The following SUPT3H variants were observed in gnomAD, a reference collection of about 807,000 sequenced individuals.
SUPT3H encodes SPT3 homolog, SAGA and STAGA complex component.
In SUPT3H, 44 loss-of-function variants were observed where a neutral mutation model predicts 44.3. The ratio of observed to expected loss-of-function variants is 0.99; its 90% CI spans 0.78 to 1.28. The LOEUF (loss-of-function observed/expected upper bound fraction) is 1.28. Ranked by LOEUF, SUPT3H falls within the 50% of genes most tolerant of loss-of-function variation. SUPT3H has a pLI of 0.00. For missense variants in SUPT3H, 380 were observed against 387.1 expected, an observed-to-expected ratio of 0.98 and a Z score of 0.15; for synonymous variants, 124 against 125.6, an observed-to-expected ratio of 0.99 and a Z score of 0.09.
chr6:44,893,217 A>T (rs1763571012), intron 10 of SUPT3H, among the ~76,000 whole-genome samples: 1 of 152,084 alleles, frequency 6.6e-6, no homozygotes, highest in Non-Finnish European at 1.5e-5. Context: ...TGGAAAAATA[A>T]TAAAAATGTA....
At chr6:45,021,616 C>T (rs1785148280) in intron 3 of SUPT3H, among the ~76,000 whole-genome samples, 1 of 151,972 alleles carries the variant, frequency 6.6e-6, no homozygotes, top group African/African-American at 2.4e-5. Context: ...TTCCTGAATG[C>T]ATCCTTCTTT....
At position 44,829,849 on chromosome 6, in the gene SUPT3H, G is replaced by T; in HGVS notation, c.921C>A (p.Tyr307Ter). 1 of 1,613,172 alleles carries T rather than the reference G, an allele frequency of 6.2e-7. No homozygotes were observed. The highest frequency in any genetic ancestry group is 8.5e-7 in the Non-Finnish European group (1 of 1,179,236). Residue 307 changes from tyrosine to a stop codon, truncating the protein, a stop_gained, in exon 11 of 11, where the codon TAC becomes TAA. Transcript: ENST00000371459. LOFTEE classifies it high-confidence loss of function. ...IGPLSPFTNAYRRNGMAFLAC is the reference protein window; with the variant it reads ...IGPLSPFTNA ...CTAGAAAAGCCATCCCATTCCTGCG[G>T]TAGGCATTCTGTCAAAGAAAAAGAA...
At chr6:44,988,560 A>C (rs1780155460) in intron 6 of SUPT3H, among the ~76,000 whole-genome samples, 1 of 150,414 alleles carries the variant, frequency 6.6e-6, no homozygotes, top group African/African-American at 2.4e-5. Context: ...GGCTACACCA[A>C]AAGCAATATT....
rs1767874112 is a variant in SUPT3H, at chr6:44,827,326, T to C, written c.*2490A>G. 6.6e-6 allele frequency among the ~76,000 whole-genome samples: 1 copy of C among 152,142 alleles called. No individual in the cohort carries two copies. Among genetic ancestry groups the C allele is most frequent in the Non-Finnish European group, 1.5e-5 (1 of 67,982 alleles). ...GTTTTTAAATAAATTTACATCGTTG[T>C]CTAGGATAAATATGCCATAAAACCC... On this transcript the variant is annotated 3_prime_UTR_variant, in exon 11 of 11. Transcript: ENST00000371459.
chr6:44,814,657 A>AC (rs769573532), intron 11 of SUPT3H, among the ~76,000 whole-genome samples: 168 of 151,954 alleles, frequency 1.1e-3, no homozygotes, highest in Non-Finnish European at 2.0e-3. Flanking sequence ...GAGCAGTGTT[A>AC]TAGTCTCAAA....
At chr6:45,071,144 G>C (rs764447929) in intron 3 of SUPT3H, among the ~76,000 whole-genome samples, 2 of 151,990 alleles carry the variant, frequency 1.3e-5, no homozygotes, top group African/African-American at 2.4e-5. Context: ...CTTCATTTCA[G>C]GCAGGTTCCT....
Position 45,167,046 on chromosome 6 carries a change from C to G in SUPT3H, c.102-61040G>C, listed in dbSNP as rs545584834. The stretch of plus-strand genomic sequence containing the variant: ...ATACATATACACCCAATAAAGTAAT[C>G]AAATAATTTTTTAATAAAAAGCCTT... On this transcript the variant is annotated intron_variant, in intron 2 of 10. Coordinates refer to ENST00000371459, the MANE Select transcript of SUPT3H (RefSeq NM_003599.4). Among the ~76,000 whole-genome samples the G allele has an allele frequency of 3.9e-5, 6 of 152,194 alleles. No homozygotes were observed. In the South Asian group the frequency reaches 1.0e-3, roughly 26 times the overall value.
chr6:45,257,670 T>C (rs1325402015), intron 2 of SUPT3H, among the ~76,000 whole-genome samples: 2 of 152,170 alleles, frequency 1.3e-5, no homozygotes, highest in Non-Finnish European at 1.5e-5. Context: ...AGGGCCTTCT[T>C]GCTGCGGCAT....
rs80332547 is a variant in SUPT3H, at chr6:45,147,863, G to A, written c.102-41857C>T. Reference sequence around the variant, plus strand: ...AAGATGAAAGATTAAGACAATGAATGTAAGAGAAAGAAGAAAGATGATGAA... The same window carrying A: ...AAGATGAAAGATTAAGACAATGAATATAAGAGAAAGAAGAAAGATGATGAA... On this transcript the variant is annotated intron_variant, in intron 2 of 10. Transcript: ENST00000371459. Among the ~76,000 whole-genome samples, 1,473 of 152,150 alleles carry A rather than the reference G, an allele frequency of 9.7e-3. 13 individuals are homozygous for A. Among genetic ancestry groups the A allele is most frequent in the Non-Finnish European group, 0.016 (1,110 of 67,994 alleles).
intron 5 of SUPT3H, among the ~76,000 whole-genome samples, chr6:45,012,672 T>C (rs1167004843): frequency 6.6e-6 from 1 of 152,122 alleles, no homozygotes; most frequent in Non-Finnish European, 1.5e-5. Flanking sequence ...CAGTTTCTAT[T>C]GTCTACTTTT....
At chr6:44,960,696 C>T (rs570252576) in intron 7 of SUPT3H, among the ~76,000 whole-genome samples, 12 of 151,968 alleles carry the variant, frequency 7.9e-5, no homozygotes, top group African/African-American at 2.4e-4. Flanking sequence ...CTAAAAATTA[C>T]AATACAAAAC....
At chr6:44,844,798 G>C (rs1169151910) in intron 10 of SUPT3H, among the ~76,000 whole-genome samples, 1 of 152,132 alleles carries the variant, frequency 6.6e-6, no homozygotes, top group Non-Finnish European at 1.5e-5. Context: ...CAATGGAAAT[G>C]CTCTAATATT....
At chr6:45,338,352 AAAAAT>A (rs1789031463) in intron 2 of SUPT3H, among the ~76,000 whole-genome samples, 1 of 152,128 alleles carries the variant, frequency 6.6e-6, no homozygotes, top group African/African-American at 2.4e-5. Flanking sequence ...CATAAAAAAA[AAAAAT>A]TATAGGCAAC....
chr6:45,066,269 T>C (rs972422967), intron 3 of SUPT3H, among the ~76,000 whole-genome samples: 5 of 152,052 alleles, frequency 3.3e-5, no homozygotes, highest in Non-Finnish European at 5.9e-5. Flanking sequence ...AACTCCTTCA[T>C]GCTAAAAACT....
chr6:45,212,914 C>G (rs1207594310), intron 2 of SUPT3H, among the ~76,000 whole-genome samples: 2 of 152,040 alleles, frequency 1.3e-5, no homozygotes, highest in Non-Finnish European at 2.9e-5. Context: ...AGGTTGTTTC[C>G]AGGTAAGGCA....
chr6:44,848,283 C>A (rs1303861653), intron 10 of SUPT3H, among the ~76,000 whole-genome samples: 4 of 152,128 alleles, frequency 2.6e-5, no homozygotes, highest in Admixed American at 1.3e-4. Flanking sequence ...GTCTTCATAA[C>A]TAGACTTCTG....
intron 2 of SUPT3H, among the ~76,000 whole-genome samples, chr6:45,171,713 CTTTTTTTTTTTTTT>C (rs777154020): frequency 1.1e-5 from 1 of 93,474 alleles, no homozygotes; most frequent in South Asian, 4.2e-4. Flanking sequence ...ATTCCACTTG[CTTTTTTTTTTTTTT>C]TTTTTTTTTT....
intron 2 of SUPT3H, among the ~76,000 whole-genome samples, chr6:45,345,156 T>C (rs996379859): frequency 1.3e-5 from 2 of 152,206 alleles, no homozygotes; most frequent in Non-Finnish European, 2.9e-5. Context: ...TCAGAATACT[T>C]ATAAAAATCT....
chr6:44,958,771 A>G lies in SUPT3H; in HGVS notation c.580+2982T>C, dbSNP rs1043933854. ...AATCATTTAAGTATGGGGGCAAAAT[A>G]AAGACATTTAAGAAAAAAAAATGGG... On this transcript the variant is annotated intron_variant, in intron 7 of 10. Transcript: ENST00000371459. 5.9e-4 allele frequency among the ~76,000 whole-genome samples: 90 copies of G among 152,012 alleles called. 2 individuals are homozygous for G. The highest frequency in any genetic ancestry group is 5.8e-3 in the Admixed American group (89 of 15,266).
Sources: gnomAD v4.1 joint callset for allele counts (sites outside exome capture counted in the v4.1 genomes callset) on GRCh38, gnomAD v4.1.1 for gene constraint, MANE v1.5 for transcripts, NCBI Gene and HGNC (gene_info 2026-07-23, HGNC 2026-07-21) for gene names.